Variants in TBC1D4 observed in about 807,000 individuals in gnomAD.
TBC1D4 encodes the protein TBC (Tre-2, BUB2, CDC16) domain-containing protein.
Under a neutral mutation model 142.5 loss-of-function variants are expected in TBC1D4, and 121 were observed. The observed-to-expected ratio is 0.85, with a 90% CI of 0.73 to 0.99. The LOEUF (loss-of-function observed/expected upper bound fraction) is 0.99, where lower values mean the gene tolerates loss of function less well. Ranked by LOEUF, TBC1D4 falls within the 50% of genes least tolerant of loss-of-function variation. The pLI, the probability that TBC1D4 is intolerant of heterozygous loss-of-function variation, is 0.00. For missense variants in TBC1D4, 1,475 were observed against 1,606.6 expected (o/e 0.92, Z 1.40); for synonymous variants, 630 against 628.2 (o/e 1.00, Z -0.04).
At chr13:75,361,756 A>T (rs953714601) in intron 2 of TBC1D4, among the ~76,000 whole-genome samples, 3 of 152,056 alleles carry the variant, frequency 2.0e-5, no homozygotes, top group African/African-American at 7.2e-5. Flanking sequence ...TCTCTCTACC[A>T]GGTGTCCAGG....
chr13:75,462,275 G>A (rs1239535801), intron 1 of TBC1D4, among the ~76,000 whole-genome samples: 3 of 152,124 alleles, frequency 2.0e-5, no homozygotes, highest in South Asian at 2.1e-4. Context: ...AAATGTGTCC[G>A]AGGTGTCCAA....
intron 15 of TBC1D4, among the ~76,000 whole-genome samples, chr13:75,305,057 G>T (rs946164974): frequency 1.3e-5 from 2 of 152,120 alleles, no homozygotes; most frequent in African/African-American, 2.4e-5. Context: ...AATCATGGGG[G>T]CAGTTTCCCC....
chr13:75,443,065 C>T (rs780100349), intron 1 of TBC1D4, among the ~76,000 whole-genome samples: 2 of 152,132 alleles, frequency 1.3e-5, no homozygotes, highest in Non-Finnish European at 2.9e-5. Flanking sequence ...TGAAGTTTAT[C>T]GTAGCTCCTC....
rs551201556 is a variant in TBC1D4 at position 75,409,182 on chromosome 13, C to A, written c.499-46575G>T. On this transcript the variant is annotated intron_variant, in intron 1 of 20. Coordinates refer to ENST00000377636, the MANE Select transcript of TBC1D4 (RefSeq NM_014832.5). ...TACGTAAGTCTTCACACAATGATAT[C>A]ATATATGTGGGTTTTTAAAAAGGCT... is the stretch of plus-strand genomic sequence containing the variant. 2.0e-4 allele frequency among the ~76,000 whole-genome samples: 30 copies of A among 152,198 alleles called. 1 individual carries two copies. Among genetic ancestry groups the A allele is most frequent in the African/African-American group, 7.2e-4 (30 of 41,522 alleles).
At chr13:75,297,496 G>A (rs567049122) in intron 17 of TBC1D4, among the ~76,000 whole-genome samples, 2 of 152,130 alleles carry the variant, frequency 1.3e-5, no homozygotes, top group Non-Finnish European at 2.9e-5. Flanking sequence ...GGTCACGCCT[G>A]TAATCCCAGC....
chr13:75,441,832 C>A (rs1339381709), intron 1 of TBC1D4, among the ~76,000 whole-genome samples: 2 of 152,208 alleles, frequency 1.3e-5, no homozygotes, highest in Non-Finnish European at 2.9e-5. Context: ...CGAATTACAG[C>A]AACCATCACA....
Position 75,302,224 on chromosome 13 carries a change from A to G in TBC1D4, c.2911+19T>C. Reference sequence around the variant, plus strand: ...CAGCTGTTTACTTTTGTAAATTATAATCCACATGACAAACATACCTAAATC... The same window carrying G: ...CAGCTGTTTACTTTTGTAAATTATAGTCCACATGACAAACATACCTAAATC... On this transcript the variant is annotated intron_variant, in intron 16 of 20. Transcript: ENST00000377636. The G allele has an allele frequency of 1.2e-6, 2 of 1,614,094 alleles. No homozygotes were observed. Among genetic ancestry groups the G allele is most frequent in the Non-Finnish European group, 1.7e-6 (2 of 1,180,010 alleles).
chr13:75,481,800 G>C lies in TBC1D4; in HGVS notation c.-33C>G, dbSNP rs779827323. 6.8e-7 allele frequency: 1 copy of C among 1,471,412 alleles called. No homozygotes were observed. Among genetic ancestry groups the C allele is most frequent in the Admixed American group, 2.8e-5 (1 of 36,206 alleles). 91.1% of individuals were successfully genotyped at this position (1,471,412 alleles called of 1,614,324 possible). ...GCCTCACCAGGGCACCGCGGAGGCC[G>C]GCCGGGCGCACCGCGCCCCCCACTC... On this transcript the variant is annotated 5_prime_UTR_variant, in exon 1 of 21. Coordinates refer to ENST00000377636, the MANE Select transcript of TBC1D4 (RefSeq NM_014832.5).
At chr13:75,314,549 G>A (rs1878091769) in intron 12 of TBC1D4, among the ~76,000 whole-genome samples, 1 of 152,202 alleles carries the variant, frequency 6.6e-6, no homozygotes, top group East Asian at 1.9e-4. Context: ...CAGAGAGTAA[G>A]TATTATGACG....
At chr13:75,472,062 G>A (rs1593923249) in intron 1 of TBC1D4, among the ~76,000 whole-genome samples, 1 of 144,142 alleles carries the variant, frequency 6.9e-6, no homozygotes, top group East Asian at 2.1e-4. Flanking sequence ...AGCAAAGATT[G>A]TGCCACTGTA....
intron 1 of TBC1D4, among the ~76,000 whole-genome samples, chr13:75,384,550 A>C (rs1461215051): frequency 6.7e-6 from 1 of 149,652 alleles, no homozygotes; most frequent in Non-Finnish European, 1.5e-5. Context: ...TGGGAACCAG[A>C]AAAGATAAAG....
At chr13:75,478,468 C>A (rs1287063799) in intron 1 of TBC1D4, among the ~76,000 whole-genome samples, 6 of 152,156 alleles carry the variant, frequency 3.9e-5, no homozygotes, top group African/African-American at 1.4e-4. Flanking sequence ...CTCTAGGCTA[C>A]GTTTGTAGAC....
At chr13:75,477,509 T>C (rs1888669979) in intron 1 of TBC1D4, among the ~76,000 whole-genome samples, 1 of 152,224 alleles carries the variant, frequency 6.6e-6, no homozygotes, top group Non-Finnish European at 1.5e-5. Flanking sequence ...TGATTGTTCA[T>C]CCTATAATTA....
At chr13:75,332,240 CCTAT>C (rs1418085185) in intron 8 of TBC1D4, among the ~76,000 whole-genome samples, 2 of 152,210 alleles carry the variant, frequency 1.3e-5, no homozygotes, top group Non-Finnish European at 2.9e-5. Context: ...TATACCACCT[CCTAT>C]CTATGATGTG....
intron 1 of TBC1D4, among the ~76,000 whole-genome samples, chr13:75,377,740 A>G (rs1021423875): frequency 6.7e-6 from 1 of 149,942 alleles, no homozygotes; most frequent in African/African-American, 2.4e-5. Context: ...CTTTATCAGT[A>G]TGTGTGTGTG....
intron 1 of TBC1D4, among the ~76,000 whole-genome samples, chr13:75,373,266 T>C (rs948274740): frequency 2.6e-5 from 4 of 152,228 alleles, no homozygotes; most frequent in African/African-American, 4.8e-5. Flanking sequence ...TATACCATCA[T>C]AACAGATTAT....
chr13:75,450,248 G>T (rs950884913), intron 1 of TBC1D4, among the ~76,000 whole-genome samples: 2 of 152,046 alleles, frequency 1.3e-5, no homozygotes, highest in South Asian at 4.1e-4. Context: ...TGTTTTCCTT[G>T]TTTTTCTTCA....
At chr13:75,403,272 A>G (rs1347201567) in intron 1 of TBC1D4, among the ~76,000 whole-genome samples, 1 of 152,200 alleles carries the variant, frequency 6.6e-6, no homozygotes, top group Non-Finnish European at 1.5e-5. Flanking sequence ...GGGTTTTTGC[A>G]GGGGAGAAAG....
In TBC1D4 at chr13:75,439,505, A is replaced by T. The variant is rs181532205; in HGVS notation, c.498+41765T>A. On this transcript the variant is annotated intron_variant, in intron 1 of 20. Coordinates refer to ENST00000377636, the MANE Select transcript of TBC1D4 (RefSeq NM_014832.5). The stretch of plus-strand genomic sequence containing the variant: ...CCAGAGTATTTAACAGAAATTGTAA[A>T]CCACTATGTTCAAATCTTCATATAA... Among the ~76,000 whole-genome samples the T allele has an allele frequency of 3.3e-3, 496 of 152,306 alleles. 1 individual carries two copies. The highest frequency in any genetic ancestry group is 0.011 in the South Asian group (51 of 4,818).
Sources: allele counts gnomAD v4.1 joint callset (sites outside exome capture counted in the v4.1 genomes callset), GRCh38; gene constraint gnomAD v4.1.1; transcripts MANE v1.5; gene names NCBI Gene and HGNC (gene_info 2026-07-23, HGNC 2026-07-21).